Variants in FGFR2 observed in about 807,000 individuals in gnomAD.
The protein encoded by FGFR2 is BEK fibroblast growth factor receptor.
Under a neutral mutation model 95.9 loss-of-function variants are expected in FGFR2, and 19 were observed. That is an observed-to-expected ratio of 0.20 (90% CI 0.14 to 0.29). The LOEUF (loss-of-function observed/expected upper bound fraction) is 0.29, where lower values mean the gene tolerates loss of function less well. FGFR2 is among the 10% of genes least tolerant of loss of function. The pLI, the probability that FGFR2 is intolerant of heterozygous loss-of-function variation, is 1.00. For missense variants in FGFR2, 707 were observed against 1,056.9 expected (o/e 0.67, Z 4.59); for synonymous variants, 392 against 393.3 (o/e 1.00, Z 0.04).
chr10:121,595,984 G>A (rs550655549), intron 1 of FGFR2, among the ~76,000 whole-genome samples: 1 of 152,336 alleles, frequency 6.6e-6, no homozygotes, highest in African/African-American at 2.4e-5. Flanking sequence ...CACACCAGTG[G>A]ACAAAAGTAT....
chr10:121,525,425 A>C (rs1851220471), intron 6 of FGFR2, among the ~76,000 whole-genome samples: 1 of 151,994 alleles, frequency 6.6e-6, no homozygotes, highest in African/African-American at 2.4e-5. Context: ...ATTCTCTCCC[A>C]GCGTTCTCTC....
intron 6 of FGFR2, among the ~76,000 whole-genome samples, chr10:121,533,193 A>C (rs1852331064): frequency 6.6e-6 from 1 of 152,226 alleles, no homozygotes; most frequent in Non-Finnish European, 1.5e-5. Context: ...GTTCGAGACC[A>C]GCCTGGCCAA....
chr10:121,575,804 C>T (rs41302267), intron 2 of FGFR2, among the ~76,000 whole-genome samples: 2 of 151,362 alleles, frequency 1.3e-5, no homozygotes, highest in East Asian at 2.0e-4. Flanking sequence ...TGCAGTGAGC[C>T]GAGATCGTGC....
chr10:121,526,862 G>A (rs1030546159), intron 6 of FGFR2: 18 of 397,800 alleles, frequency 4.5e-5, no homozygotes, highest in Admixed American at 4.0e-4. Context: ...CGCATCTTCT[G>A]TCTGGATATC....
chr10:121,561,150 C>A (rs1000885245), intron 4 of FGFR2, among the ~76,000 whole-genome samples: 1 of 152,078 alleles, frequency 6.6e-6, no homozygotes. Context: ...ACAGGCCGGG[C>A]GCAGTGGCTC....
intron 2 of FGFR2, among the ~76,000 whole-genome samples, chr10:121,566,155 T>C (rs1294465720): frequency 6.6e-6 from 1 of 152,198 alleles, no homozygotes; most frequent in Admixed American, 6.5e-5. Flanking sequence ...CTAGACTTGG[T>C]CTGTTGCCCC....
intron 1 of FGFR2, among the ~76,000 whole-genome samples, chr10:121,596,997 T>A (rs1471814602): frequency 6.6e-6 from 1 of 152,186 alleles, no homozygotes; most frequent in African/African-American, 2.4e-5. Flanking sequence ...TAAATGTTGA[T>A]AGCGTTTCAC....
intron 6 of FGFR2, among the ~76,000 whole-genome samples, chr10:121,528,551 T>C (rs375954895): frequency 1.4e-3 from 209 of 152,336 alleles, no homozygotes; most frequent in African/African-American, 5.0e-3. Flanking sequence ...CTCTCTCACA[T>C]GCCTTGTTTT....
chr10:121,562,608 C>G (rs570093863), intron 4 of FGFR2, among the ~76,000 whole-genome samples: 1 of 151,924 alleles, frequency 6.6e-6, no homozygotes, highest in Non-Finnish European at 1.5e-5. Context: ...AGTAGGTAAA[C>G]GGGTAAATAA....
chr10:121,543,130 A>G (rs1854009263), intron 5 of FGFR2, among the ~76,000 whole-genome samples: 1 of 152,216 alleles, frequency 6.6e-6, no homozygotes, highest in Non-Finnish European at 1.5e-5. Context: ...TCCCAGGAAG[A>G]CAGCAATCTC....
intron 8 of FGFR2, among the ~76,000 whole-genome samples, chr10:121,516,979 A>G (rs1404349698): frequency 6.6e-6 from 1 of 152,232 alleles, no homozygotes; most frequent in Non-Finnish European, 1.5e-5. Flanking sequence ...ATTTGAAATG[A>G]GAATAAATTA....
At chr10:121,507,773 G>T (rs1370059969) in intron 9 of FGFR2, among the ~76,000 whole-genome samples, 2 of 152,162 alleles carry the variant, frequency 1.3e-5, no homozygotes, top group Admixed American at 6.5e-5. Flanking sequence ...GCCCAGATCT[G>T]AGAGAACAGA....
chr10:121,520,852 G>C (rs991367886), intron 6 of FGFR2, among the ~76,000 whole-genome samples: 4 of 152,128 alleles, frequency 2.6e-5, no homozygotes, highest in Non-Finnish European at 4.4e-5. Context: ...CATGTTGCCT[G>C]GGCTGGTCTC....
At chr10:121,495,359 A>G (rs1405662457) in intron 13 of FGFR2, among the ~76,000 whole-genome samples, 1 of 152,146 alleles carries the variant, frequency 6.6e-6, no homozygotes. Flanking sequence ...TACCAAAACA[A>G]AAAACAAAAA....
At chr10:121,567,132 A>G (rs2981432) in intron 2 of FGFR2, among the ~76,000 whole-genome samples, 83,795 of 151,872 alleles carry the variant, frequency 0.55, 23,506 homozygotes, top group African/African-American at 0.64. Context: ...CCCTCAGAAG[A>G]ACAAATCTCC....
chr10:121,542,430 A>G (rs558534567), intron 5 of FGFR2, among the ~76,000 whole-genome samples: 2 of 152,336 alleles, frequency 1.3e-5, no homozygotes, highest in East Asian at 1.9e-4. Context: ...TAATCATTCA[A>G]TAGTAGCTAC....
rs1845287281 is a variant in FGFR2, at chr10:121,485,451, A to G, written c.2139T>C (p.Phe713=). 1 of 1,614,122 alleles carries G rather than the reference A, an allele frequency of 6.2e-7. No homozygotes were observed. Among genetic ancestry groups the G allele is most frequent in the Non-Finnish European group, 8.5e-7 (1 of 1,180,040 alleles). Residue 713 remains phenylalanine (F), a synonymous_variant, in exon 16 of 18, where the codon TTT becomes TTC. Transcript: ENST00000358487. This position sits in a 1 kb window ranked among gnomAD's most constrained non-coding sequence, Gnocchi z 4.2. ...PYPGIPVEEL[F]KLLKEGHRMD... is the part of the protein sequence containing the mutation. ...TTCTGTGTCCTTCCTTCAGCAGCTT[A>G]AAAAGTTCCTCCACGGGAATCCCTG...
At position 121,488,540 on chromosome 10, in the gene FGFR2, C is replaced by CA. The variant is rs60596436; in HGVS notation, c.1864-428dup. Among the ~76,000 whole-genome samples the CA allele has an allele frequency of 2.3e-3, 235 of 103,064 alleles. 1 individual carries two copies. Among genetic ancestry groups the CA allele is most frequent in the African/African-American group, 7.5e-3 (210 of 27,984 alleles). 67.6% of individuals were successfully genotyped at this position (103,064 alleles called of 152,430 possible). A position where few individuals can be genotyped will look rare whatever the true frequency, so the allele number is the denominator to read the frequency against. ...TGGGTGACAGAGTGAGACTCTGTCTCAAAAAAAAAAAAAAAAAAAGAAAGA... is the reference window on the plus strand; with the variant it reads ...TGGGTGACAGAGTGAGACTCTGTCTCAAAAAAAAAAAAAAAAAAAAGAAAGA... On this transcript the variant is annotated intron_variant, in intron 13 of 17. Transcript: ENST00000358487.
chr10:121,479,435 T>C lies in FGFR2; in HGVS notation c.*422A>G, dbSNP rs553479127. The C allele has an allele frequency of 5.2e-6, 2 of 385,012 alleles. No homozygotes were observed. Among genetic ancestry groups the C allele is most frequent in the Non-Finnish European group, 9.1e-6 (2 of 219,854 alleles). The allele number at this position is 385,012 out of a possible 1,614,324, so 23.8% of individuals were successfully genotyped here. On this transcript the variant is annotated 3_prime_UTR_variant, in exon 18 of 18. Transcript: ENST00000358487. ...AAAATAACTCCTTGTAAATATATAA[T>C]ATATATTTATACATAATTTGAATAT... is the stretch of plus-strand genomic sequence containing the variant.
Sources: allele counts gnomAD v4.1 joint callset (sites outside exome capture counted in the v4.1 genomes callset), GRCh38; gene constraint gnomAD v4.1.1; non-coding constraint Gnocchi (gnomAD v3.1); transcripts MANE v1.5; gene names NCBI Gene and HGNC (gene_info 2026-07-23, HGNC 2026-07-21).